MARCHF1: variants seen among roughly 807,000 people sequenced by gnomAD.
MARCHF1 encodes the protein E3 ubiquitin-protein ligase MARCHF1.
A neutral mutation model predicts 54.2 loss-of-function variants in MARCHF1; 40 were observed. The observed-to-expected ratio is 0.74, with a 90% confidence interval of 0.57 to 0.96. The LOEUF (loss-of-function observed/expected upper bound fraction) is 0.96, where lower values mean the gene tolerates loss of function less well. Among genes scored for constraint, MARCHF1 ranks in the 40% least tolerant of loss-of-function variants. The probability of loss-of-function intolerance (pLI) is 0.00; values close to 1 mark genes in which losing one functional copy is unlikely to be tolerated. For missense variants in MARCHF1, 586 were observed against 656.5 expected (o/e 0.89, Z 1.17); for synonymous variants, 236 against 236.3 (o/e 1.00, Z 0.01).
At chr4:163,795,091 A>G (rs1158835718) in intron 4 of MARCHF1, among the ~76,000 whole-genome samples, 1 of 152,214 alleles carries the variant, frequency 6.6e-6, no homozygotes, top group Admixed American at 6.5e-5. Flanking sequence ...AATTCATAAA[A>G]ATGTCAATTT....
At chr4:163,723,390 T>C (rs1463533136) in intron 4 of MARCHF1, among the ~76,000 whole-genome samples, 1 of 152,246 alleles carries the variant, frequency 6.6e-6, no homozygotes, top group Non-Finnish European at 1.5e-5. Context: ...TGCTGAGAGA[T>C]CAGCTGTTAG....
At chr4:163,780,578 G>T (rs1253047535) in intron 4 of MARCHF1, among the ~76,000 whole-genome samples, 1 of 150,716 alleles carries the variant, frequency 6.6e-6, no homozygotes, top group Non-Finnish European at 1.5e-5. Flanking sequence ...AATGAAGGCT[G>T]TAAGAAAAAA....
chr4:163,582,731 G>A (rs1490493984), intron 8 of MARCHF1, among the ~76,000 whole-genome samples: 2 of 151,308 alleles, frequency 1.3e-5, no homozygotes, highest in Non-Finnish European at 2.9e-5. Flanking sequence ...CTAACCAAAT[G>A]CTATAGCTAG....
intron 2 of MARCHF1, among the ~76,000 whole-genome samples, chr4:164,022,257 T>A (rs1753681981): frequency 6.6e-6 from 1 of 152,162 alleles, no homozygotes; most frequent in South Asian, 2.1e-4. Context: ...TAAATTAAAT[T>A]AAAATTCACT....
intron 5 of MARCHF1, among the ~76,000 whole-genome samples, chr4:163,652,932 A>G (rs1390492915): frequency 2.6e-5 from 4 of 151,928 alleles, no homozygotes; most frequent in Non-Finnish European, 4.4e-5. Flanking sequence ...ATAACAGTAA[A>G]TAAAACGGAG....
In MARCHF1 at chr4:163,528,718, C is replaced by A. The variant is rs1684513652; in HGVS notation, c.*30G>T. ...AGTGGCTGAGGGCTAGAAAGATATT[C>A]TTCGGTGAAGAAACTCCCAACAGGT... On this transcript the variant is annotated 3_prime_UTR_variant, in exon 10 of 10. Coordinates refer to ENST00000514618, the MANE Select transcript of MARCHF1 (RefSeq NM_001394959.1). 1 of 1,575,290 alleles carries A rather than the reference C, an allele frequency of 6.3e-7. No individual in the cohort carries two copies. The highest frequency in any genetic ancestry group is 1.7e-5 in the Admixed American group (1 of 57,282).
intron 4 of MARCHF1, among the ~76,000 whole-genome samples, chr4:163,807,430 C>A (rs1407176823): frequency 6.6e-6 from 1 of 152,146 alleles, no homozygotes; most frequent in Non-Finnish European, 1.5e-5. Context: ...ATCTTCATCA[C>A]ATTTATTGTC....
At chr4:163,912,056 G>A (rs1351892394) in intron 3 of MARCHF1, among the ~76,000 whole-genome samples, 1 of 82,686 alleles carries the variant, frequency 1.2e-5, no homozygotes. Context: ...AAGTCATCAG[G>A]AATGCAGGGT....
intron 7 of MARCHF1, among the ~76,000 whole-genome samples, chr4:163,603,626 C>T (rs1325174155): frequency 1.3e-5 from 2 of 152,102 alleles, no homozygotes; most frequent in Non-Finnish European, 2.9e-5. Flanking sequence ...TTATTTGAAA[C>T]TTCACTGGAC....
intron 5 of MARCHF1, among the ~76,000 whole-genome samples, chr4:163,687,714 G>A (rs927827505): frequency 1.3e-5 from 2 of 152,136 alleles, no homozygotes; most frequent in Non-Finnish European, 2.9e-5. Flanking sequence ...CCTCTCTCTG[G>A]TGACAGGAAG....
intron 7 of MARCHF1, 26 bp from the exon 8 acceptor site, chr4:163,585,955 T>C: frequency 6.3e-7 from 1 of 1,574,980 alleles, no homozygotes. Context: ...GCAGCCAGTA[T>C]GAGATCTCCC....
chr4:164,091,005 G>A (rs562514230), intron 2 of MARCHF1, among the ~76,000 whole-genome samples: 2 of 152,216 alleles, frequency 1.3e-5, no homozygotes, highest in Admixed American at 1.3e-4. Context: ...ACTGTTGAAC[G>A]AGAAGCTAGG....
intron 4 of MARCHF1, among the ~76,000 whole-genome samples, chr4:163,785,805 G>A (rs1747601786): frequency 6.6e-6 from 1 of 151,928 alleles, no homozygotes; most frequent in Non-Finnish European, 1.5e-5. Flanking sequence ...CCCAACACTT[G>A]TGAATATGTT....
intron 1 of MARCHF1, among the ~76,000 whole-genome samples, chr4:164,119,733 T>C (rs1281086086): frequency 5.3e-5 from 8 of 151,834 alleles, no homozygotes; most frequent in Admixed American, 4.6e-4. Flanking sequence ...TGCAAATAAA[T>C]TTGAAACTAA....
At chr4:163,892,046 C>T (rs1750672891) in intron 3 of MARCHF1, among the ~76,000 whole-genome samples, 1 of 151,968 alleles carries the variant, frequency 6.6e-6, no homozygotes, top group Admixed American at 6.5e-5. Context: ...AAAACCTCAG[C>T]TCACTGACAT....
intron 4 of MARCHF1, among the ~76,000 whole-genome samples, chr4:163,730,378 C>T (rs147182950): frequency 3.2e-4 from 49 of 152,216 alleles, no homozygotes; most frequent in African/African-American, 1.1e-3. Context: ...GCAGATCCAC[C>T]ATCAAGATTT....
At chr4:163,750,663 A>AC (rs1197848142) in intron 4 of MARCHF1, among the ~76,000 whole-genome samples, 1 of 152,172 alleles carries the variant, frequency 6.6e-6, no homozygotes, top group Non-Finnish European at 1.5e-5. Flanking sequence ...CCAGAGAATA[A>AC]CAAAGAACCA....
chr4:164,084,652 C>T (rs1755160273), intron 2 of MARCHF1, among the ~76,000 whole-genome samples: 2 of 151,754 alleles, frequency 1.3e-5, no homozygotes, highest in African/African-American at 2.4e-5. Flanking sequence ...TTATAATTTG[C>T]TATTTTAATG....
chr4:163,575,617 G>C (rs1337206546), intron 8 of MARCHF1, among the ~76,000 whole-genome samples: 1 of 151,962 alleles, frequency 6.6e-6, no homozygotes, highest in Non-Finnish European at 1.5e-5. Flanking sequence ...ATTTTCAGTA[G>C]AATTGGGACC....
Sources: allele counts gnomAD v4.1 joint callset (sites outside exome capture counted in the v4.1 genomes callset), GRCh38; gene constraint gnomAD v4.1.1; transcripts MANE v1.5; gene names NCBI Gene and HGNC (gene_info 2026-07-23, HGNC 2026-07-21).